Variants in MEIG1 observed in about 807,000 individuals in gnomAD.
MEIG1 encodes the protein meiosis/spermiogenesis associated 1.
MEIG1 carries 12 observed loss-of-function variants against 11.3 expected under a neutral mutation model. The observed-to-expected ratio is 1.07, with a 90% CI of 0.68 to 1.73. The LOEUF (loss-of-function observed/expected upper bound fraction) is 1.73, where lower values mean the gene tolerates loss of function less well. Ranked by LOEUF, MEIG1 falls within the 40% of genes most tolerant of loss-of-function variation. The probability of loss-of-function intolerance (pLI) is 0.00; values close to 1 mark genes in which losing one functional copy is unlikely to be tolerated. For missense variants in MEIG1, 119 were observed against 104.9 expected, an observed-to-expected ratio of 1.13 and a Z score of -0.59; for synonymous variants, 41 against 33.2, an observed-to-expected ratio of 1.24 and a Z score of -0.81.
At chr10:14,957,167 A>G (rs188883662), upstream of MEIG1, among the ~76,000 whole-genome samples, 44 of 152,344 alleles carry the variant, frequency 2.9e-4, no homozygotes, top group African/African-American at 1.0e-3. Context: ...TCAGTGTTTT[A>G]TACTCATTAT....
upstream of MEIG1, among the ~76,000 whole-genome samples, chr10:14,958,989 T>C (rs1054047432): frequency 6.6e-6 from 1 of 152,066 alleles, no homozygotes; most frequent in African/African-American, 2.4e-5. Flanking sequence ...TAGATAATGC[T>C]AGAAAAAATA....
chr10:14,957,408 T>C (rs1050485064), upstream of MEIG1, among the ~76,000 whole-genome samples: 1 of 152,334 alleles, frequency 6.6e-6, no homozygotes, highest in East Asian at 1.9e-4. Context: ...TGATGAAATA[T>C]ACTGATTCAA....
chr10:14,976,092 G>A (rs533585068), downstream of MEIG1, among the ~76,000 whole-genome samples: 1 of 152,210 alleles, frequency 6.6e-6, no homozygotes, highest in African/African-American at 2.4e-5. Context: ...GGGGGCGTCC[G>A]CCCCCTTGCG....
chr10:14,982,894 A>T (rs1423657978), intron 1 of MEIG1, among the ~76,000 whole-genome samples: 2 of 152,124 alleles, frequency 1.3e-5, no homozygotes, highest in Non-Finnish European at 2.9e-5. Context: ...TTAATAAGTG[A>T]TATTGATCTT....
At chr10:14,977,755 ATAATATCATAGGGAGATATTCCTGC>A (rs1264503141), downstream of MEIG1, among the ~76,000 whole-genome samples, 1 of 151,886 alleles carries the variant, frequency 6.6e-6, no homozygotes, top group Non-Finnish European at 1.5e-5. Flanking sequence ...GATATTTTTC[ATAATATCATAGGGAGATATTCCTGC>A]TAATAACACA....
chr10:14,966,665 T>C, intron 2 of MEIG1, 59 bp downstream of exon 2: 1 of 1,506,514 alleles, frequency 6.6e-7, no homozygotes, highest in Non-Finnish European at 9.0e-7. Context: ...TGCTGAAAAG[T>C]ATTTTATAAA....
intron 1 of MEIG1, among the ~76,000 whole-genome samples, chr10:14,981,934 C>T (rs1216231227): frequency 2.0e-5 from 3 of 152,326 alleles, no homozygotes; most frequent in Middle Eastern, 3.4e-3. Flanking sequence ...TCTCTTTGCG[C>T]TTTTCCTCGC....
At chr10:14,973,574 C>G (rs1050734372), downstream of MEIG1, among the ~76,000 whole-genome samples, 3 of 152,106 alleles carry the variant, frequency 2.0e-5, no homozygotes, top group East Asian at 3.9e-4. Flanking sequence ...TCAAGACCAT[C>G]CTGGCTAGCA....
chr10:14,956,032 C>T (rs756687738), upstream of MEIG1, among the ~76,000 whole-genome samples: 23 of 152,264 alleles, frequency 1.5e-4, no homozygotes, highest in Non-Finnish European at 2.9e-4. Context: ...AGTTAATGCT[C>T]GTGATCTTAT....
At chr10:14,957,631 GT>G (rs979638477), upstream of MEIG1, among the ~76,000 whole-genome samples, 3 of 152,044 alleles carry the variant, frequency 2.0e-5, no homozygotes, top group Non-Finnish European at 4.4e-5. Context: ...TTTGACTTAG[GT>G]TTTTTTGTTT....
At chr10:14,975,455 T>C (rs1368198743), downstream of MEIG1, among the ~76,000 whole-genome samples, 2 of 151,760 alleles carry the variant, frequency 1.3e-5, no homozygotes, top group African/African-American at 4.8e-5. Flanking sequence ...CATTCAAAGG[T>C]GGAGAGGTTA....
chr10:14,985,034 T>C (rs759131850), intron 1 of MEIG1, among the ~76,000 whole-genome samples: 65 of 152,084 alleles, frequency 4.3e-4, no homozygotes, highest in Middle Eastern at 6.8e-3. Flanking sequence ...TCGTATTGTC[T>C]TGAAGAGATG....
At chr10:14,964,467 C>T (rs771220193) in intron 1 of MEIG1, among the ~76,000 whole-genome samples, 5 of 150,874 alleles carry the variant, frequency 3.3e-5, no homozygotes, top group Non-Finnish European at 7.4e-5. Flanking sequence ...GTTAATTAAT[C>T]GTATATTTAG....
At chr10:14,979,056 CACAATACGTGT>C (rs1426453842) in intron 1 of MEIG1, among the ~76,000 whole-genome samples, 33 of 151,980 alleles carry the variant, frequency 2.2e-4, no homozygotes, top group Non-Finnish European at 7.4e-5. Flanking sequence ...CTACTAATGC[CACAATACGTGT>C]ACACCCTCTG....
At position 14,969,193 on chromosome 10, in the gene MEIG1, G is replaced by A. The variant is rs537042242; in HGVS notation, c.138+2587G>A. Among the ~76,000 whole-genome samples the A allele has an allele frequency of 2.4e-3, 371 of 152,286 alleles. 1 individual carries two copies. Among genetic ancestry groups the A allele is most frequent in the African/African-American group, 8.5e-3 (355 of 41,560 alleles). On this transcript the variant is annotated intron_variant, in intron 2 of 2. Coordinates refer to ENST00000407572, the MANE Select transcript of MEIG1 (RefSeq NM_001080836.3). ...CAGCTGTGGTGGCTTACGCCTCTAAGCCCAGTGCTTTGGGAGGCTGAGGGT... is the reference window on the plus strand; with the variant it reads ...CAGCTGTGGTGGCTTACGCCTCTAAACCCAGTGCTTTGGGAGGCTGAGGGT...
At chr10:14,981,424 T>C (rs1162396528) in intron 1 of MEIG1, among the ~76,000 whole-genome samples, 1 of 152,150 alleles carries the variant, frequency 6.6e-6, no homozygotes, top group Admixed American at 6.5e-5. Context: ...CAAAAACTGA[T>C]GAATGACTTG....
chr10:14,958,018 G>T (rs1166447036), upstream of MEIG1, among the ~76,000 whole-genome samples: 1 of 152,186 alleles, frequency 6.6e-6, no homozygotes, highest in Non-Finnish European at 1.5e-5. Context: ...ATAGAGAGCT[G>T]TTGGGAACGG....
At chr10:14,962,271 C>T (rs1843023245) in intron 1 of MEIG1, among the ~76,000 whole-genome samples, 1 of 151,986 alleles carries the variant, frequency 6.6e-6, no homozygotes, top group African/African-American at 2.4e-5. Context: ...ATTTTAGTTT[C>T]ATTTTGTGTT....
intron 1 of MEIG1, among the ~76,000 whole-genome samples, chr10:14,984,582 T>G (rs1469670429): frequency 6.6e-6 from 1 of 152,012 alleles, no homozygotes; most frequent in East Asian, 1.9e-4. Context: ...CCTTTGATAT[T>G]ATTCATAATA....
Sources: allele counts gnomAD v4.1 joint callset (sites outside exome capture counted in the v4.1 genomes callset), GRCh38; gene constraint gnomAD v4.1.1; transcripts MANE v1.5; gene names NCBI Gene and HGNC (gene_info 2026-07-23, HGNC 2026-07-21).